Variants in DKK2 observed in about 807,000 individuals in gnomAD.
DKK2 encodes the protein dickkopf Wnt signaling pathway inhibitor 2, also known as dickkopf-related protein 2.
In DKK2, 11 loss-of-function variants were observed where a neutral mutation model predicts 28.1. The observed-to-expected ratio is 0.39, with a 90% CI of 0.25 to 0.65. The LOEUF (loss-of-function observed/expected upper bound fraction) is 0.65, where lower values mean the gene tolerates loss of function less well. Among genes scored for constraint, DKK2 ranks in the 30% least tolerant of loss-of-function variants. DKK2 has a pLI of 0.47. For synonymous variants in DKK2, 135 were observed against 126.5 expected (o/e 1.07, Z -0.45); for missense variants, 326 against 335.5 (o/e 0.97, Z 0.22).
Position 107,035,604 on chromosome 4 carries a change from G to T in DKK2, c.-13C>A. 3.7e-6 allele frequency: 6 copies of T among 1,613,142 alleles called. No individual in the cohort carries two copies. The highest frequency in any genetic ancestry group is 5.1e-6 in the Non-Finnish European group (6 of 1,179,846). On this transcript the variant is annotated 5_prime_UTR_variant, in exon 1 of 4. Coordinates refer to ENST00000285311, the MANE Select transcript of DKK2 (RefSeq NM_014421.3). Reference sequence around the variant, plus strand: ...TCAACGCGGCCATCTCCCGGCGAGGGGGTCCCCAGGAAGACGCAAAGCCCG... The same window carrying T: ...TCAACGCGGCCATCTCCCGGCGAGGTGGTCCCCAGGAAGACGCAAAGCCCG...
chr4:106,946,080 A>G (rs1724771541), intron 1 of DKK2, among the ~76,000 whole-genome samples: 1 of 152,142 alleles, frequency 6.6e-6, no homozygotes, highest in Non-Finnish European at 1.5e-5. Flanking sequence ...AAATGATTTC[A>G]CAATTTGCTT....
chr4:107,005,137 T>A (rs905460742), intron 1 of DKK2, among the ~76,000 whole-genome samples: 9 of 151,910 alleles, frequency 5.9e-5, no homozygotes, highest in African/African-American at 1.9e-4. Context: ...TTTGAGGAGA[T>A]CGAGACCATC....
chr4:106,950,239 T>C (rs1040110513), intron 1 of DKK2, among the ~76,000 whole-genome samples: 2 of 152,206 alleles, frequency 1.3e-5, no homozygotes, highest in East Asian at 3.9e-4. Flanking sequence ...CAAAAGCACT[T>C]GCTCAGACCA....
chr4:107,005,192 T>G (rs1454633167), intron 1 of DKK2, among the ~76,000 whole-genome samples: 1 of 151,694 alleles, frequency 6.6e-6, no homozygotes. Flanking sequence ...ATACAAAAAA[T>G]TAGCTGGGCG....
intron 1 of DKK2, among the ~76,000 whole-genome samples, chr4:107,027,324 T>C (rs1174860424): frequency 2.0e-5 from 3 of 152,164 alleles, no homozygotes; most frequent in Non-Finnish European, 4.4e-5. Context: ...CATTACCAGA[T>C]AGAAACATTT....
intron 1 of DKK2, among the ~76,000 whole-genome samples, chr4:106,945,500 T>C (rs1724762734): frequency 6.6e-6 from 1 of 152,118 alleles, no homozygotes; most frequent in Non-Finnish European, 1.5e-5. Flanking sequence ...TGTCTTCAAA[T>C]TAATGAATTT....
chr4:107,003,359 C>T (rs920096276), intron 1 of DKK2, among the ~76,000 whole-genome samples: 5 of 152,242 alleles, frequency 3.3e-5, no homozygotes, highest in Admixed American at 6.5e-5. Flanking sequence ...TGTGGCTTTC[C>T]TCTGCTCAGG....
At chr4:106,984,256 A>C (rs1261692398) in intron 1 of DKK2, among the ~76,000 whole-genome samples, 2 of 152,230 alleles carry the variant, frequency 1.3e-5, no homozygotes, top group Non-Finnish European at 2.9e-5. Context: ...CACTAAGTAC[A>C]TTCACAGTGT....
chr4:106,977,637 C>T (rs1338925926), intron 1 of DKK2, among the ~76,000 whole-genome samples: 1 of 152,154 alleles, frequency 6.6e-6, no homozygotes, highest in Non-Finnish European at 1.5e-5. Flanking sequence ...AGCAATTTCT[C>T]TAACCTTTTT....
intron 1 of DKK2, among the ~76,000 whole-genome samples, chr4:107,018,138 A>T (rs181160351): frequency 5.9e-5 from 9 of 152,220 alleles, no homozygotes; most frequent in Admixed American, 3.3e-4. Flanking sequence ...GAGCCAGAGG[A>T]TTATGTTATC....
At chr4:106,989,289 G>A (rs1723170254) in intron 1 of DKK2, among the ~76,000 whole-genome samples, 1 of 152,136 alleles carries the variant, frequency 6.6e-6, no homozygotes. Flanking sequence ...TGTATAGTGT[G>A]CCAGAAGGAT....
intron 1 of DKK2, among the ~76,000 whole-genome samples, chr4:106,995,140 G>A (rs1255100765): frequency 6.6e-6 from 1 of 151,812 alleles, no homozygotes; most frequent in Admixed American, 6.6e-5. Flanking sequence ...ATTACATTAA[G>A]ATTAGTAATA....
chr4:106,939,108 C>A, intron 1 of DKK2, among the ~76,000 whole-genome samples: 1 of 152,086 alleles, frequency 6.6e-6, no homozygotes, highest in Non-Finnish European at 1.5e-5. Context: ...GACGTTTTGG[C>A]CAGGGCAATT....
intron 1 of DKK2, among the ~76,000 whole-genome samples, chr4:106,938,488 A>G (rs895330479): frequency 6.6e-6 from 1 of 152,228 alleles, no homozygotes; most frequent in Non-Finnish European, 1.5e-5. Context: ...TAGCTTACCA[A>G]CTAAAAAGAG....
chr4:106,996,095 T>G (rs1485913072), intron 1 of DKK2, among the ~76,000 whole-genome samples: 1 of 152,174 alleles, frequency 6.6e-6, no homozygotes, highest in Non-Finnish European at 1.5e-5. Flanking sequence ...AAAGTCTACA[T>G]TGCAAGCCTT....
chr4:107,008,565 G>A (rs1464793149), intron 1 of DKK2, among the ~76,000 whole-genome samples: 6 of 151,968 alleles, frequency 3.9e-5, no homozygotes, highest in African/African-American at 9.7e-5. Context: ...AAGCAATCTT[G>A]TAAATCATAG....
chr4:106,966,788 T>C (rs762735424), intron 1 of DKK2, among the ~76,000 whole-genome samples: 4 of 152,116 alleles, frequency 2.6e-5, no homozygotes, highest in Non-Finnish European at 5.9e-5. Context: ...GAAACTCCCA[T>C]ATTTGAAACC....
At chr4:107,015,779 T>G (rs897480367) in intron 1 of DKK2, among the ~76,000 whole-genome samples, 4 of 151,774 alleles carry the variant, frequency 2.6e-5, no homozygotes, top group Non-Finnish European at 4.4e-5. Context: ...GTTAAATAAC[T>G]GTCCTTTTCA....
intron 1 of DKK2, among the ~76,000 whole-genome samples, chr4:107,025,681 T>C (rs953918328): frequency 2.6e-5 from 4 of 152,186 alleles, no homozygotes; most frequent in African/African-American, 9.6e-5. Flanking sequence ...TAACCATGTC[T>C]TTAAAGTATC....
Sources: allele counts gnomAD v4.1 joint callset (sites outside exome capture counted in the v4.1 genomes callset), GRCh38; gene constraint gnomAD v4.1.1; transcripts MANE v1.5; gene names NCBI Gene and HGNC (gene_info 2026-07-23, HGNC 2026-07-21).